The following MCTP1 variants were observed in gnomAD, a reference collection of about 807,000 sequenced individuals.
MCTP1 encodes the protein multiple C2 and transmembrane domain-containing protein 1.
A neutral mutation model predicts 120.6 loss-of-function variants in MCTP1; 69 were observed. The ratio of observed to expected loss-of-function variants is 0.57; its 90% CI spans 0.47 to 0.70. The LOEUF (loss-of-function observed/expected upper bound fraction) is 0.70. MCTP1 is among the 30% of genes least tolerant of loss of function. The pLI is 0.00. For missense variants in MCTP1, 1,203 were observed against 1,248.8 expected (o/e 0.96, Z 0.55); for synonymous variants, 529 against 493.1 (o/e 1.07, Z -0.96).
chr5:95,243,132 T>C (rs1383283901), intron 1 of MCTP1, among the ~76,000 whole-genome samples: 2 of 152,144 alleles, frequency 1.3e-5, no homozygotes, highest in Non-Finnish European at 1.5e-5. Flanking sequence ...TCTCTGATGA[T>C]GTGATCAGGA....
chr5:94,824,308 G>GT (rs1184899891), intron 17 of MCTP1, among the ~76,000 whole-genome samples: 1 of 152,142 alleles, frequency 6.6e-6, no homozygotes, highest in African/African-American at 2.4e-5. Context: ...TAATCATGTG[G>GT]TTTTTGTCAT....
chr5:94,925,389 G>A (rs1812785163), intron 6 of MCTP1, among the ~76,000 whole-genome samples: 1 of 152,094 alleles, frequency 6.6e-6, no homozygotes, highest in Non-Finnish European at 1.5e-5. Flanking sequence ...AAGAGGCTAA[G>A]TGAGGCAAAG....
chr5:95,028,718 T>C (rs568775208), intron 1 of MCTP1, among the ~76,000 whole-genome samples: 3 of 152,310 alleles, frequency 2.0e-5, no homozygotes, highest in African/African-American at 7.2e-5. Context: ...TAAACAGACT[T>C]TGTGTTGCAA....
Position 94,871,422 on chromosome 5 carries a change from A to G in MCTP1, c.2037-5T>C, listed in dbSNP as rs1180955746. The G allele has an allele frequency of 6.4e-6, 10 of 1,570,002 alleles. No individual in the cohort carries two copies. The highest frequency in any genetic ancestry group is 8.8e-6 in the Non-Finnish European group (10 of 1,140,748). On this transcript the variant is annotated splice_region_variant and splice_polypyrimidine_tract_variant and intron_variant, in intron 13 of 22. Coordinates refer to ENST00000515393, the MANE Select transcript of MCTP1 (RefSeq NM_024717.7). ...GAATGGATATCTTTAATGTTGCTGC[A>G]TAATAAATATATGTAAGAAAAAAAG...
chr5:94,956,789 T>C (rs770546745), intron 2 of MCTP1, among the ~76,000 whole-genome samples: 21 of 152,092 alleles, frequency 1.4e-4, no homozygotes, highest in Non-Finnish European at 2.8e-4. Context: ...AAACCTACGT[T>C]TGATTGGTGT....
intron 19 of MCTP1, among the ~76,000 whole-genome samples, chr5:94,771,935 G>A (rs750983001): frequency 4.6e-5 from 7 of 152,124 alleles, no homozygotes; most frequent in Non-Finnish European, 1.0e-4. Context: ...GGCTCTAGGG[G>A]AGAATCCTTT....
intron 12 of MCTP1, among the ~76,000 whole-genome samples, chr5:94,873,640 A>AT (rs1391139707): frequency 1.3e-5 from 2 of 152,116 alleles, no homozygotes; most frequent in Non-Finnish European, 2.9e-5. Context: ...TAAGGCATAT[A>AT]TTTTTTCAAC....
intron 2 of MCTP1, among the ~76,000 whole-genome samples, chr5:94,992,950 A>T (rs1450119311): frequency 6.6e-6 from 1 of 152,214 alleles, no homozygotes; most frequent in South Asian, 2.1e-4. Context: ...AAAAGAAATT[A>T]ACTGAAGTTT....
At chr5:94,872,257 T>A (rs1445782759) in intron 13 of MCTP1, among the ~76,000 whole-genome samples, 1 of 152,090 alleles carries the variant, frequency 6.6e-6, no homozygotes, top group African/African-American at 2.4e-5. Context: ...TTGATAATAA[T>A]CAAACCTATT....
chr5:94,872,592 T>C (rs1036131244), intron 13 of MCTP1, among the ~76,000 whole-genome samples: 3 of 152,088 alleles, frequency 2.0e-5, no homozygotes, highest in Non-Finnish European at 4.4e-5. Context: ...TAGTGTAGCA[T>C]TGGCAGCTTT....
chr5:95,016,552 G>A (rs1019377140), intron 2 of MCTP1, among the ~76,000 whole-genome samples: 2 of 151,942 alleles, frequency 1.3e-5, no homozygotes, highest in Non-Finnish European at 2.9e-5. Flanking sequence ...GCACTCTCAG[G>A]GTTGTCTGAC....
At chr5:94,881,763 A>G (rs1355245835) in intron 12 of MCTP1, among the ~76,000 whole-genome samples, 1 of 152,178 alleles carries the variant, frequency 6.6e-6, no homozygotes, top group Non-Finnish European at 1.5e-5. Context: ...AGTGGCTGAC[A>G]TGTGATCAGG....
intron 1 of MCTP1, among the ~76,000 whole-genome samples, chr5:95,278,424 G>A (rs1231587242): frequency 2.6e-5 from 4 of 152,106 alleles, no homozygotes; most frequent in Non-Finnish European, 5.9e-5. Context: ...TCATAAACAG[G>A]TATGGTTTAT....
At chr5:94,775,987 A>G (rs1311626971) in intron 19 of MCTP1, among the ~76,000 whole-genome samples, 1 of 148,060 alleles carries the variant, frequency 6.8e-6, no homozygotes, top group Admixed American at 6.7e-5. Context: ...ATATATTTAA[A>G]AAGCCATAAT....
chr5:95,000,061 G>A (rs976953910), intron 2 of MCTP1, among the ~76,000 whole-genome samples: 1 of 152,104 alleles, frequency 6.6e-6, no homozygotes, highest in African/African-American at 2.4e-5. Flanking sequence ...TTTGGTCACC[G>A]ATGGACTGCA....
Position 94,757,672 on chromosome 5 carries a change from C to T in MCTP1, c.2610+21438G>A, listed in dbSNP as rs1353102963. 3.3e-5 allele frequency among the ~76,000 whole-genome samples: 5 copies of T among 152,334 alleles called. No homozygotes were observed. The South Asian group carries it at 8.3e-4, about 25-fold the overall frequency. On this transcript the variant is annotated intron_variant, in intron 19 of 22. Transcript: ENST00000515393. ...CTCCTTGAGGAGTTAGGTCTCATTT[C>T]TCTTTAAATCCCTCAGAACAGCTAG...
At chr5:94,810,712 A>T (rs529757804) in intron 17 of MCTP1, among the ~76,000 whole-genome samples, 53 of 152,258 alleles carry the variant, frequency 3.5e-4, no homozygotes, top group African/African-American at 1.3e-3. Flanking sequence ...AAGTTCTGGG[A>T]TATTTGGTAG....
intron 1 of MCTP1, among the ~76,000 whole-genome samples, chr5:95,276,930 C>T (rs1241664441): frequency 6.6e-6 from 1 of 151,826 alleles, no homozygotes; most frequent in Non-Finnish European, 1.5e-5. Context: ...CCAGCCTGGG[C>T]CACAGAGGGA....
intron 17 of MCTP1, among the ~76,000 whole-genome samples, chr5:94,812,360 A>T (rs1236320014): frequency 6.6e-6 from 1 of 151,918 alleles, no homozygotes; most frequent in Non-Finnish European, 1.5e-5. Context: ...TGTCCTCTCA[A>T]GGAAAAATGT....
Sources: allele counts gnomAD v4.1 joint callset (sites outside exome capture counted in the v4.1 genomes callset), GRCh38; gene constraint gnomAD v4.1.1; transcripts MANE v1.5; gene names NCBI Gene and HGNC (gene_info 2026-07-23, HGNC 2026-07-21).